The following ZBTB7C variants were observed in gnomAD, a reference collection of about 807,000 sequenced individuals.
ZBTB7C encodes the protein zinc finger and BTB domain containing 7C, also known as zinc finger and BTB domain-containing protein 7C.
Under a neutral mutation model 25.7 loss-of-function variants are expected in ZBTB7C, and 8 were observed. The observed-to-expected ratio is 0.31, with a 90% CI of 0.18 to 0.56. The LOEUF is 0.56. Ranked by LOEUF, ZBTB7C falls within the 20% of genes least tolerant of loss-of-function variation. ZBTB7C has a pLI of 0.91. For synonymous variants in ZBTB7C, 394 were observed against 369.0 expected, an observed-to-expected ratio of 1.07 and a Z score of -0.78; for missense variants, 824 against 855.2, an observed-to-expected ratio of 0.96 and a Z score of 0.46.
rs1027664527 is a variant in ZBTB7C, at chr18:48,116,968, T to G, written c.-17+68966A>C. ...AATTCTTTCCTAGCTCCCACGGCAC[T>G]TAGCATACACCTGGGCATCTAAACA... On this transcript the variant is annotated intron_variant, in intron 3 of 4. Transcript: ENST00000590800. Among the ~76,000 whole-genome samples, 3 of 152,154 alleles carry G rather than the reference T, an allele frequency of 2.0e-5. No homozygotes were observed. The East Asian group carries it at 5.8e-4, about 29-fold the overall frequency.
chr18:48,381,009 G>C (rs1445909607), intron 1 of ZBTB7C, among the ~76,000 whole-genome samples: 1 of 152,192 alleles, frequency 6.6e-6, no homozygotes, highest in African/African-American at 2.4e-5. Context: ...AGATTTCTCA[G>C]TGAAATCTAA....
At chr18:48,151,020 T>C (rs1011442542) in intron 3 of ZBTB7C, among the ~76,000 whole-genome samples, 1 of 152,198 alleles carries the variant, frequency 6.6e-6, no homozygotes, top group African/African-American at 2.4e-5. Context: ...TCTGCATTTT[T>C]CACAGATCTC....
chr18:48,388,081 C>A (rs1047260525), intron 1 of ZBTB7C, among the ~76,000 whole-genome samples: 1 of 152,178 alleles, frequency 6.6e-6, no homozygotes, highest in Non-Finnish European at 1.5e-5. Flanking sequence ...CCCTCCTCGG[C>A]CTCCCAAAGC....
In ZBTB7C at chr18:48,167,589, TGTGTGTGTGCGCGC is replaced by T. The variant is rs1365949290; in HGVS notation, c.-17+18331_-17+18344del. On this transcript the variant is annotated intron_variant, in intron 3 of 4. Transcript: ENST00000590800. ...GTGTGTGTGTGTGTGTGTGTGTGTG[TGTGTGTGTGCGCGC>T]GTGCACACGCGCATGCGCCAGTAGA... Among the ~76,000 whole-genome samples the T allele has an allele frequency of 2.2e-3, 335 of 151,592 alleles. 1 individual carries two copies. Among genetic ancestry groups the T allele is most frequent in the Non-Finnish European group, 3.8e-3 (261 of 67,986 alleles).
intron 2 of ZBTB7C, among the ~76,000 whole-genome samples, chr18:48,249,902 A>G (rs1343586875): frequency 6.6e-6 from 1 of 152,240 alleles, no homozygotes; most frequent in Admixed American, 6.5e-5. Context: ...ATGGAACACT[A>G]AGGCTAGAGC....
chr18:48,173,665 C>T (rs576895306), intron 3 of ZBTB7C, among the ~76,000 whole-genome samples: 1 of 152,358 alleles, frequency 6.6e-6, no homozygotes, highest in South Asian at 2.1e-4. Context: ...CAGGCCTGCA[C>T]TTGCATGCTC....
At chr18:48,141,568 G>T (rs1008881967) in intron 3 of ZBTB7C, among the ~76,000 whole-genome samples, 7 of 151,684 alleles carry the variant, frequency 4.6e-5, no homozygotes, top group Non-Finnish European at 1.0e-4. Context: ...ACTGGGCGGG[G>T]GGGAAAGTAA....
intron 2 of ZBTB7C, among the ~76,000 whole-genome samples, chr18:48,225,539 GC>G (rs2043066831): frequency 6.6e-6 from 1 of 152,042 alleles, no homozygotes; most frequent in South Asian, 2.1e-4. Context: ...ATATACACAA[GC>G]CCCCTTTTAA....
chr18:48,328,642 G>GCA (rs2046278883), intron 2 of ZBTB7C, among the ~76,000 whole-genome samples: 1 of 152,124 alleles, frequency 6.6e-6, no homozygotes, highest in Admixed American at 6.5e-5. Context: ...CTCGTGGTTG[G>GCA]CAGCACACAG....
At chr18:48,062,653 A>G (rs1025951752) in intron 3 of ZBTB7C, among the ~76,000 whole-genome samples, 1 of 152,234 alleles carries the variant, frequency 6.6e-6, no homozygotes, top group African/African-American at 2.4e-5. Context: ...TCAGGACTGC[A>G]GTAAGTCAGT....
intron 3 of ZBTB7C, among the ~76,000 whole-genome samples, chr18:48,092,837 C>A (rs1022215869): frequency 6.6e-6 from 1 of 152,166 alleles, no homozygotes; most frequent in Non-Finnish European, 1.5e-5. Flanking sequence ...CTTTAACTGG[C>A]TTTTTGGTTG....
chr18:48,177,562 T>C (rs1161196522), intron 3 of ZBTB7C, among the ~76,000 whole-genome samples: 2 of 151,858 alleles, frequency 1.3e-5, no homozygotes, highest in Non-Finnish European at 2.9e-5. Flanking sequence ...GGTGTGTGCG[T>C]GTGTGTGTGT....
intron 3 of ZBTB7C, among the ~76,000 whole-genome samples, chr18:48,101,651 T>C (rs1165734672): frequency 6.6e-6 from 1 of 152,200 alleles, no homozygotes; most frequent in Non-Finnish European, 1.5e-5. Context: ...CCCCATCAAG[T>C]AGATACTATT....
chr18:48,178,899 C>T (rs1292942682), intron 3 of ZBTB7C, among the ~76,000 whole-genome samples: 3 of 152,106 alleles, frequency 2.0e-5, no homozygotes, highest in African/African-American at 7.2e-5. Flanking sequence ...GGCAAGGCTG[C>T]CTCTTCTGGG....
rs1163634161 is a variant in ZBTB7C at position 48,028,431 on chromosome 18, C to T, written c.*829G>A. The T allele has an allele frequency of 6.6e-6, 1 of 152,166 alleles. No homozygotes were observed. Among genetic ancestry groups the T allele is most frequent in the Non-Finnish European group, 1.5e-5 (1 of 68,048 alleles). 9.4% of individuals were successfully genotyped at this position (152,166 alleles called of 1,614,324 possible). A position where few individuals can be genotyped will look rare whatever the true frequency, so the allele number is the denominator to read the frequency against. The stretch of plus-strand genomic sequence containing the variant: ...ATCTCTGTCTAGTCTGGCCATATTT[C>T]TCACCTATGCTAATATGCTAATATA... On this transcript the variant is annotated 3_prime_UTR_variant, in exon 5 of 5. Transcript: ENST00000590800.
chr18:48,389,460 G>T (rs2047845489), intron 1 of ZBTB7C, among the ~76,000 whole-genome samples: 1 of 108,246 alleles, frequency 9.2e-6, no homozygotes, highest in African/African-American at 4.6e-5. Context: ...ATGACTCTTG[G>T]ATTTTTTTTT....
rs1568173244 is a variant in ZBTB7C, at chr18:48,045,006, T to C, written c.-16-3883A>G. ...AGGCCATGCTCCCAACCACAGCCAA[T>C]TGCAGCTCCTGCCTCTGATCACAAA... On this transcript the variant is annotated intron_variant, in intron 3 of 4. Transcript: ENST00000590800. Among the ~76,000 whole-genome samples the C allele has an allele frequency of 2.6e-5, 4 of 152,224 alleles. No homozygotes were observed. In the South Asian group the frequency reaches 8.3e-4, roughly 31 times the overall value.
intron 3 of ZBTB7C, among the ~76,000 whole-genome samples, chr18:48,132,655 A>C (rs2144781392): frequency 6.6e-6 from 1 of 152,344 alleles, no homozygotes; most frequent in East Asian, 1.9e-4. Context: ...CTGTTGTTTA[A>C]GTTCTGCTTA....
intron 1 of ZBTB7C, among the ~76,000 whole-genome samples, chr18:48,405,125 T>G (rs1297594293): frequency 7.6e-6 from 1 of 131,930 alleles, no homozygotes; most frequent in Non-Finnish European, 1.7e-5. Context: ...CATTCCTCCC[T>G]CCACCAACCC....
Sources: gnomAD v4.1 joint callset for allele counts (sites outside exome capture counted in the v4.1 genomes callset) on GRCh38, gnomAD v4.1.1 for gene constraint, MANE v1.5 for transcripts, NCBI Gene and HGNC (gene_info 2026-07-23, HGNC 2026-07-21) for gene names.